ATP2B2: variants seen among roughly 807,000 people sequenced by gnomAD.
ATP2B2 encodes plasma membrane calcium-transporting ATPase 2.
Under a neutral mutation model 120.0 loss-of-function variants are expected in ATP2B2, and 15 were observed. The observed-to-expected ratio is 0.12, with a 90% CI of 0.08 to 0.19. ATP2B2 has a LOEUF of 0.19. Among genes scored for constraint, ATP2B2 ranks in the 10% least tolerant of loss-of-function variants. The pLI is 1.00. For missense variants in ATP2B2, 1,045 were observed against 1,719.8 expected, an observed-to-expected ratio of 0.61 and a Z score of 6.94; for synonymous variants, 694 against 700.3, an observed-to-expected ratio of 0.99 and a Z score of 0.14.
At chr3:10,606,102 G>A (rs765594367) in intron 2 of ATP2B2, among the ~76,000 whole-genome samples, 2 of 152,056 alleles carry the variant, frequency 1.3e-5, no homozygotes, top group African/African-American at 2.4e-5. Flanking sequence ...TGGGTGCAGA[G>A]CAAGACTTTA....
At chr3:10,540,560 TC>T (rs1227284913) in intron 2 of ATP2B2, among the ~76,000 whole-genome samples, 4 of 152,034 alleles carry the variant, frequency 2.6e-5, no homozygotes, top group Admixed American at 2.6e-4. Context: ...TGAGTTAATG[TC>T]CTTTGTAGGG....
At chr3:10,686,767 AT>A (rs2071534535) in intron 1 of ATP2B2, among the ~76,000 whole-genome samples, 1 of 152,222 alleles carries the variant, frequency 6.6e-6, no homozygotes, top group Non-Finnish European at 1.5e-5. Flanking sequence ...AGATGAGTAA[AT>A]TGAGAACAGT....
At chr3:10,363,647 T>C (rs564975007) in intron 12 of ATP2B2, among the ~76,000 whole-genome samples, 1 of 152,008 alleles carries the variant, frequency 6.6e-6, no homozygotes, top group Non-Finnish European at 1.5e-5. Context: ...ACGGATAACA[T>C]TTGCAAAAAT....
chr3:10,338,631 TGG>T lies in ATP2B2; in HGVS notation c.3238-275_3238-274del, dbSNP rs3856781. The T allele has an allele frequency of 0.012, 5,482 of 463,922 alleles. 247 individuals carry two copies. Among genetic ancestry groups the T allele is most frequent in the African/African-American group, 0.1 (5,011 of 49,900 alleles). The allele number at this position is 463,922 out of a possible 1,614,324, so 28.7% of individuals were successfully genotyped here. ...ATTCATTCAGAGTCAGGGTACATAG[TGG>T]ACAATCTTGGCCTCTAGGAGTTGGA... On this transcript the variant is annotated intron_variant, in intron 21 of 22. Transcript: ENST00000360273.
chr3:10,402,106 C>A lies in ATP2B2; in HGVS notation c.640G>T (p.Ala214Ser), dbSNP rs374835840. ...GGACACTTACCATATTTGACCTGGG[C>A]TATGTCCCCAACCACGATCTCAGCC... ...PVAEIVVGDI[A>S]QVKYGDLLPA... Residue 214 changes from alanine (A) to serine (S), a missense_variant, in exon 4 of 23, where the codon GCC (alanine) becomes TCC (serine). Ala to Ser is a moderately conservative substitution (Grantham distance 99). This residue lies in a region of ATP2B2 where 35 missense variants were observed against 29.9 expected (regional missense o/e 1.17). Coordinates refer to ENST00000360273, the MANE Select transcript of ATP2B2 (RefSeq NM_001001331.4). This position sits in a 1 kb window ranked among gnomAD's most constrained non-coding sequence, Gnocchi z 4.9. 1 of 1,614,036 alleles carries A rather than the reference C, an allele frequency of 6.2e-7. No homozygotes were observed. The highest frequency in any genetic ancestry group is 1.7e-5 in the Admixed American group (1 of 60,026).
intron 2 of ATP2B2, among the ~76,000 whole-genome samples, chr3:10,419,543 G>A (rs3774145): frequency 6.6e-6 from 1 of 152,072 alleles, no homozygotes; most frequent in African/African-American, 2.4e-5. Flanking sequence ...TACCTAGATC[G>A]GGAGACCTGG....
At chr3:10,671,076 T>C (rs979745673) in intron 1 of ATP2B2, among the ~76,000 whole-genome samples, 1 of 152,188 alleles carries the variant, frequency 6.6e-6, no homozygotes, top group African/African-American at 2.4e-5. Context: ...TCATGTCTCA[T>C]CTAAATAGAG....
At chr3:10,657,684 G>T (rs546297113) in intron 1 of ATP2B2, among the ~76,000 whole-genome samples, 1 of 152,212 alleles carries the variant, frequency 6.6e-6, no homozygotes, top group Admixed American at 6.5e-5. Context: ...GAGCATAGCC[G>T]AACAAAAGGC....
intron 10 of ATP2B2, among the ~76,000 whole-genome samples, chr3:10,377,260 T>A (rs1253777062): frequency 6.6e-6 from 1 of 151,780 alleles, no homozygotes; most frequent in African/African-American, 2.4e-5. Flanking sequence ...GGCCCATAGC[T>A]CTCCACCCCC....
chr3:10,473,495 G>A (rs1208567924), intron 1 of ATP2B2, among the ~76,000 whole-genome samples: 2 of 152,148 alleles, frequency 1.3e-5, no homozygotes, highest in Admixed American at 6.5e-5. Flanking sequence ...AGCTGTGTGC[G>A]GCGGTGTACA....
chr3:10,539,110 C>T (rs1169537333), intron 2 of ATP2B2, among the ~76,000 whole-genome samples: 1 of 152,190 alleles, frequency 6.6e-6, no homozygotes, highest in African/African-American at 2.4e-5. Context: ...CATGAGTGAA[C>T]TCCCATTCAC....
Position 10,388,067 on chromosome 3 carries a change from G to A in ATP2B2, c.907+210C>T, listed in dbSNP as rs2061733713. 5 of 641,010 alleles carry A rather than the reference G, an allele frequency of 7.8e-6. No individual in the cohort carries two copies. In the East Asian group the frequency reaches 1.6e-4, roughly 21 times the overall value. 39.7% of individuals were successfully genotyped at this position (641,010 alleles called of 1,614,324 possible). A position where few individuals can be genotyped will look rare whatever the true frequency, so the allele number is the denominator to read the frequency against. ...AAGGAGGGGCCTCCATGACATGATT[G>A]GACAAGACAGAGACTGGGACAAGAC... On this transcript the variant is annotated intron_variant, in intron 6 of 22. Transcript: ENST00000360273.
At chr3:10,439,189 T>C (rs1337540439) in intron 2 of ATP2B2, among the ~76,000 whole-genome samples, 1 of 152,218 alleles carries the variant, frequency 6.6e-6, no homozygotes, top group Non-Finnish European at 1.5e-5. Context: ...CTTTGACCCA[T>C]CTGATGTCTA....
chr3:10,486,231 A>G (rs1391405520), intron 1 of ATP2B2, among the ~76,000 whole-genome samples: 4 of 152,138 alleles, frequency 2.6e-5, no homozygotes, highest in Non-Finnish European at 4.4e-5. Flanking sequence ...TGTCTGTAGA[A>G]TGGGGATTTC....
At chr3:10,539,586 T>C (rs1003211487) in intron 2 of ATP2B2, among the ~76,000 whole-genome samples, 1 of 152,198 alleles carries the variant, frequency 6.6e-6, no homozygotes, top group Non-Finnish European at 1.5e-5. Context: ...ATCTGATCTT[T>C]GACAAACCTG....
At chr3:10,636,503 T>C (rs2125645606) in intron 1 of ATP2B2, among the ~76,000 whole-genome samples, 1 of 152,280 alleles carries the variant, frequency 6.6e-6, no homozygotes, top group Admixed American at 6.5e-5. Flanking sequence ...ATTGTTTCCC[T>C]GATTTAAACT....
rs1559514340 is a variant in ATP2B2, at chr3:10,328,654, AG to A, written c.*159del. On this transcript the variant is annotated 3_prime_UTR_variant, in exon 23 of 23. Transcript: ENST00000360273. ...TTCAAACAGCATCGCAGCCAGAGAA[AG>A]GGTCTGTGGGTGGAAACGTTGGTTT... 1 of 715,702 alleles carries A rather than the reference AG, an allele frequency of 1.4e-6. No homozygotes were observed. The allele number at this position is 715,702 out of a possible 1,614,324, so 44.3% of individuals were successfully genotyped here. A position where few individuals can be genotyped will look rare whatever the true frequency, so the allele number is the denominator to read the frequency against.
At chr3:10,647,975 C>T (rs768262696) in intron 1 of ATP2B2, among the ~76,000 whole-genome samples, 8 of 152,080 alleles carry the variant, frequency 5.3e-5, no homozygotes, top group Non-Finnish European at 1.2e-4. Flanking sequence ...TGCTTTCCCA[C>T]GTAATGCACC....
intron 1 of ATP2B2, among the ~76,000 whole-genome samples, chr3:10,482,700 C>T (rs1409366214): frequency 2.0e-5 from 3 of 152,238 alleles, no homozygotes; most frequent in Non-Finnish European, 4.4e-5. Flanking sequence ...CAGCTGCCTT[C>T]TCAGCTGGGC....
Sources: allele counts gnomAD v4.1 joint callset (sites outside exome capture counted in the v4.1 genomes callset), GRCh38; gene constraint gnomAD v4.1.1; regional missense constraint gnomAD v4.1.1; non-coding constraint Gnocchi (gnomAD v3.1); transcripts MANE v1.5; gene names NCBI Gene and HGNC (gene_info 2026-07-23, HGNC 2026-07-21).